ESF1: variants seen among roughly 807,000 people sequenced by gnomAD.
ESF1 encodes ESF1 homolog.
Under a neutral mutation model 92.0 loss-of-function variants are expected in ESF1, and 58 were observed. The observed-to-expected ratio is 0.63, with a 90% CI of 0.51 to 0.78. The LOEUF (loss-of-function observed/expected upper bound fraction) is 0.78. ESF1 is among the 30% of genes least tolerant of loss of function. The pLI is 0.00. For synonymous variants in ESF1, 321 were observed against 313.7 expected (o/e 1.02, Z -0.24); for missense variants, 922 against 989.1 (o/e 0.93, Z 0.91).
chr20:13,754,614 C>T (rs1978799183), intron 9 of ESF1, among the ~76,000 whole-genome samples: 1 of 152,128 alleles, frequency 6.6e-6, no homozygotes. Flanking sequence ...AAACATGTTC[C>T]ATCCACAAGC....
chr20:13,768,691 G>A (rs1979541558), intron 7 of ESF1, among the ~76,000 whole-genome samples: 1 of 151,734 alleles, frequency 6.6e-6, no homozygotes, highest in Admixed American at 6.6e-5. Context: ...GAGCTCAGGA[G>A]TTCAAGACCA....
chr20:13,718,808 G>T, intron 12 of ESF1, 100 bp downstream of exon 12: 1 of 738,472 alleles, frequency 1.4e-6, no homozygotes, highest in Admixed American at 3.8e-5. Flanking sequence ...AAATGCCACT[G>T]CTAAAATAAG....
intron 13 of ESF1, 24 bp from the exon 14 acceptor site, chr20:13,715,191 ATT>A: frequency 1.4e-6 from 2 of 1,450,758 alleles, no homozygotes; most frequent in Non-Finnish European, 1.8e-6. Context: ...AAAAAAAAAA[ATT>A]AATAAATTAA....
chr20:13,748,588 ATATATTTTT>A lies in ESF1; in HGVS notation c.1828+11095_1828+11103del, dbSNP rs1363518264. ...TATGTGTGTGTGTATATATATATAT[ATATATTTTT>A]TTTTTTTTGAGATGGAGTGTTGCTC... On this transcript the variant is annotated intron_variant, in intron 9 of 13. Transcript: ENST00000617257. Among the ~76,000 whole-genome samples the A allele has an allele frequency of 1.6e-3, 98 of 61,512 alleles. 5 individuals carry two copies. Among genetic ancestry groups the A allele is most frequent in the East Asian group, 0.014 (9 of 626 alleles). The allele number at this position is 61,512 out of a possible 152,430, so 40.4% of individuals were successfully genotyped here.
chr20:13,783,239 GT>G, intron 1 of ESF1, 56 bp from the exon 2 acceptor site: 1 of 1,123,584 alleles, frequency 8.9e-7, no homozygotes, highest in Non-Finnish European at 1.2e-6. Flanking sequence ...ATAATTAAAT[GT>G]TTTAAAACAC....
intron 13 of ESF1, 49 bp downstream of exon 13, chr20:13,717,319 T>G (rs1421133368): frequency 6.2e-7 from 1 of 1,601,956 alleles, no homozygotes; most frequent in East Asian, 2.2e-5. Flanking sequence ...AGAGCTGACT[T>G]TAGATTCAAT....
chr20:13,783,474 T>C (rs543811015), intron 1 of ESF1, among the ~76,000 whole-genome samples: 2 of 152,328 alleles, frequency 1.3e-5, no homozygotes, highest in East Asian at 3.9e-4. Flanking sequence ...TATTCATCCA[T>C]TGCTCTCACT....
rs1465490012 is a variant in ESF1 at position 13,775,222 on chromosome 20, C to T, written c.1084G>A (p.Ala362Thr). The T allele has an allele frequency of 1.9e-6, 3 of 1,611,448 alleles. No homozygotes were observed. Among genetic ancestry groups the T allele is most frequent in the Admixed American group, 3.4e-5 (2 of 59,352 alleles). ...TTGAACAGAGCCAGCAAATCTTTTG[C>T]CTTTAATCTATCCCAGTCCATGTTA... is the stretch of plus-strand genomic sequence containing the variant. ...VCNMDWDRLK[A>T]KDLLALFNSF... The change falls in exon 4 of 14, where the codon GCA (alanine) becomes ACA (threonine). Residue 362 changes from alanine (A) to threonine (T), a missense_variant. Physicochemically the swap from Ala to Thr is moderately conservative, Grantham distance 58 (BLOSUM62 0). Coordinates refer to ENST00000617257, the MANE Select transcript of ESF1 (RefSeq NM_001276380.2).
chr20:13,719,088 A>C, intron 11 of ESF1, 104 bp from the exon 12 acceptor site: 1 of 710,272 alleles, frequency 1.4e-6, no homozygotes, highest in Non-Finnish European at 2.1e-6. Context: ...AATAATCTTA[A>C]CAATAAATGT....
intron 8 of ESF1, among the ~76,000 whole-genome samples, chr20:13,760,407 G>A (rs1018143314): frequency 1.1e-4 from 16 of 144,382 alleles, no homozygotes; most frequent in East Asian, 2.2e-4. Context: ...CTGCCCTGCC[G>A]CCCCGTCTGG....
intron 6 of ESF1, 133 bp downstream of exon 6, chr20:13,771,198 G>C: frequency 1.4e-6 from 1 of 729,468 alleles, no homozygotes; most frequent in Non-Finnish European, 2.3e-6. Context: ...GATGTTCCAT[G>C]GGATAGAGTT....
In ESF1 at chr20:13,764,896, G is replaced by A. The variant is rs1007369540; in HGVS notation, c.1666+1881C>T. On this transcript the variant is annotated intron_variant, in intron 8 of 13. Transcript: ENST00000617257. Reference sequence around the variant, plus strand: ...AAGAGTCATCAAGAGTCAACTGTACGCCGTTAATCATTTCAAACATTAAAA... The same window carrying A: ...AAGAGTCATCAAGAGTCAACTGTACACCGTTAATCATTTCAAACATTAAAA... Among the ~76,000 whole-genome samples the A allele has an allele frequency of 6.6e-5, 10 of 150,678 alleles. No homozygotes were observed. The East Asian group carries it at 1.2e-3, about 18-fold the overall frequency.
At chr20:13,742,719 T>C (rs902192044) in intron 9 of ESF1, among the ~76,000 whole-genome samples, 1 of 151,854 alleles carries the variant, frequency 6.6e-6, no homozygotes, top group Non-Finnish European at 1.5e-5. Context: ...CAATATAATA[T>C]TAAGTGAAAA....
intron 9 of ESF1, among the ~76,000 whole-genome samples, chr20:13,759,135 G>A (rs1312970004): frequency 2.6e-5 from 4 of 152,152 alleles, no homozygotes; most frequent in African/African-American, 9.7e-5. Context: ...CCATGAAAAA[G>A]GGGCAACTGC....
Position 13,714,909 on chromosome 20 carries a change from G to C in ESF1, c.2521C>G (p.Gln841Glu), listed in dbSNP as rs1054972446. The change falls in exon 14 of 14, where the codon CAG becomes GAG. Residue 841 changes from glutamine (Q) to glutamate (E), a missense_variant. Physicochemically the swap from Gln to Glu is conservative, Grantham distance 29. Coordinates refer to ENST00000617257, the MANE Select transcript of ESF1 (RefSeq NM_001276380.2). ...TTTTGCTTTTTTCTTGCTTGAAACT[G>C]CTCTGTTTTGGTTTTTATAGATTTA... is the stretch of plus-strand genomic sequence containing the variant. ...LIKSIKTKTE[Q>E]FQARKKQKVK 1.1e-5 allele frequency: 18 copies of C among 1,610,278 alleles called. No homozygotes were observed. The highest frequency in any genetic ancestry group is 1.5e-5 in the Non-Finnish European group (18 of 1,178,618).
chr20:13,718,543 G>C (rs1257430018), intron 12 of ESF1, among the ~76,000 whole-genome samples: 1 of 152,104 alleles, frequency 6.6e-6, no homozygotes, highest in Non-Finnish European at 1.5e-5. Context: ...TGTATTCCAG[G>C]ACAGATTCAG....
intron 11 of ESF1, among the ~76,000 whole-genome samples, chr20:13,727,505 A>G (rs984329784): frequency 1.3e-5 from 2 of 152,190 alleles, no homozygotes; most frequent in Admixed American, 1.3e-4. Context: ...TCTCTTTACA[A>G]TGCCAGCGTG....
At chr20:13,753,865 G>C (rs1216519841) in intron 9 of ESF1, among the ~76,000 whole-genome samples, 4 of 152,212 alleles carry the variant, frequency 2.6e-5, no homozygotes, top group Admixed American at 1.3e-4. Context: ...ACTTTGAGCA[G>C]TAGGATATAA....
chr20:13,781,751 C>T (rs137952909), intron 2 of ESF1, among the ~76,000 whole-genome samples: 52 of 152,310 alleles, frequency 3.4e-4, no homozygotes, highest in African/African-American at 1.1e-3. Flanking sequence ...AGATGGGTGA[C>T]GACGCCTTAC....
Sources: gnomAD v4.1 joint callset for allele counts (sites outside exome capture counted in the v4.1 genomes callset) on GRCh38, gnomAD v4.1.1 for gene constraint, MANE v1.5 for transcripts, NCBI Gene and HGNC (gene_info 2026-07-23, HGNC 2026-07-21) for gene names.